The following CRK variants were observed in gnomAD, a reference collection of about 807,000 sequenced individuals.
CRK encodes the protein adapter molecule crk.
In CRK, 4 loss-of-function variants were observed where a neutral mutation model predicts 29.8. The ratio of observed to expected loss-of-function variants is 0.13; its 90% confidence interval spans 0.07 to 0.31. The LOEUF (loss-of-function observed/expected upper bound fraction) is 0.31. CRK is among the 10% of genes least tolerant of loss of function. CRK has a pLI of 1.00. For synonymous variants in CRK, 153 were observed against 164.9 expected (o/e 0.93, Z 0.55); for missense variants, 274 against 396.5 (o/e 0.69, Z 2.62).
At chr17:1,444,602 G>C (rs1176242255) in intron 1 of CRK, among the ~76,000 whole-genome samples, 9 of 149,346 alleles carry the variant, frequency 6.0e-5, no homozygotes, top group East Asian at 2.0e-4. Context: ...AAGCGGGGGG[G>C]GGGATCACCT....
intron 1 of CRK, among the ~76,000 whole-genome samples, chr17:1,447,855 G>C (rs994682611): frequency 6.6e-6 from 1 of 151,794 alleles, no homozygotes; most frequent in African/African-American, 2.4e-5. Context: ...GACCTCAAGT[G>C]ATCAGCCAGC....
intron 2 of CRK, among the ~76,000 whole-genome samples, chr17:1,430,416 G>C (rs62089611): frequency 0.51 from 76,530 of 150,088 alleles, 20,757 homozygotes; most frequent in Non-Finnish European, 0.61. Context: ...GAGTGCAGTG[G>C]CGCGATCTTG....
intron 1 of CRK, among the ~76,000 whole-genome samples, chr17:1,454,414 C>T (rs1213367528): frequency 6.6e-6 from 1 of 152,094 alleles, no homozygotes; most frequent in Non-Finnish European, 1.5e-5. Flanking sequence ...GTGGCGGGTG[C>T]CTGTAATCCC....
In CRK at chr17:1,422,783, T is replaced by C; in HGVS notation, c.*730A>G. ...GGAGACTGGCTGTCCACTTAGTGAA[T>C]CCAACACTGGCTTAAAGCTATGCAC... On this transcript the variant is annotated 3_prime_UTR_variant, in exon 3 of 3. Coordinates refer to ENST00000300574, the MANE Select transcript of CRK (RefSeq NM_016823.4). The C allele has an allele frequency of 2.5e-6, 1 of 397,044 alleles. No homozygotes were observed. Among genetic ancestry groups the C allele is most frequent in the Non-Finnish European group, 4.4e-6 (1 of 225,400 alleles). The allele number at this position is 397,044 out of a possible 1,614,324, so 24.6% of individuals were successfully genotyped here.
chr17:1,453,852 G>C (rs2074036740), intron 1 of CRK, among the ~76,000 whole-genome samples: 1 of 152,044 alleles, frequency 6.6e-6, no homozygotes, highest in South Asian at 2.1e-4. Context: ...AGATTGCAGT[G>C]AGCTGAGATT....
chr17:1,429,803 T>C (rs2073820556), intron 2 of CRK, among the ~76,000 whole-genome samples: 1 of 151,864 alleles, frequency 6.6e-6, no homozygotes, highest in South Asian at 2.1e-4. Flanking sequence ...TACAGTGGAA[T>C]GTGCCTGTAG....
intron 2 of CRK, among the ~76,000 whole-genome samples, chr17:1,436,320 T>C (rs994418498): frequency 2.0e-5 from 3 of 152,310 alleles, no homozygotes; most frequent in Non-Finnish European, 4.4e-5. Context: ...GATGAGGATG[T>C]AGATGAGGAA....
Position 1,423,599 on chromosome 17 carries a change from C to CT in CRK, c.828dup (p.Gly277ArgfsTer4). The CT allele has an allele frequency of 6.2e-7, 1 of 1,614,202 alleles. No homozygotes were observed. Among genetic ancestry groups the CT allele is most frequent in the Non-Finnish European group, 8.5e-7 (1 of 1,180,036 alleles). On this transcript the variant is annotated frameshift_variant, in exon 3 of 3. Coordinates refer to ENST00000300574, the MANE Select transcript of CRK (RefSeq NM_016823.4). LOFTEE classifies it high-confidence loss of function. ...TGACCTCGTTTGCCATTACACTCCCCTTCCCACTGACCACTCACATTAATC... is the reference window on the plus strand; with the variant it reads ...TGACCTCGTTTGCCATTACACTCCCCTTTCCCACTGACCACTCACATTAATC...
chr17:1,452,400 TTC>T (rs945097984), intron 1 of CRK, among the ~76,000 whole-genome samples: 2 of 152,150 alleles, frequency 1.3e-5, no homozygotes, highest in African/African-American at 4.8e-5. Context: ...TTCAAGAAAT[TTC>T]TCTGTGTGAC....
chr17:1,434,320 T>C (rs1219243804), intron 2 of CRK, among the ~76,000 whole-genome samples: 1 of 152,116 alleles, frequency 6.6e-6, no homozygotes, highest in Non-Finnish European at 1.5e-5. Context: ...ACAGTCCACA[T>C]GAACAGAAAA....
At chr17:1,454,472 C>T (rs752335379) in intron 1 of CRK, among the ~76,000 whole-genome samples, 17 of 152,154 alleles carry the variant, frequency 1.1e-4, no homozygotes, top group Non-Finnish European at 2.2e-4. Flanking sequence ...GCCGAGATTG[C>T]GCCACTGTGC....
chr17:1,454,863 C>T (rs1452293154), intron 1 of CRK, among the ~76,000 whole-genome samples: 2 of 152,182 alleles, frequency 1.3e-5, no homozygotes, highest in Non-Finnish European at 2.9e-5. Context: ...TCAACTCCAA[C>T]GGCATCGGTA....
chr17:1,425,780 AG>A (rs2073773367), intron 2 of CRK, among the ~76,000 whole-genome samples: 1 of 152,222 alleles, frequency 6.6e-6, no homozygotes, highest in Admixed American at 6.5e-5. Context: ...TGTTTCCTGA[AG>A]AACTCTCTAA....
intron 1 of CRK, among the ~76,000 whole-genome samples, chr17:1,438,996 G>A (rs1475915607): frequency 6.6e-6 from 1 of 152,024 alleles, no homozygotes; most frequent in South Asian, 2.1e-4. Context: ...ACCACGCCCG[G>A]CTAATTTTTG....
intron 1 of CRK, among the ~76,000 whole-genome samples, chr17:1,443,430 C>T (rs535417996): frequency 6.6e-6 from 1 of 152,244 alleles, no homozygotes; most frequent in South Asian, 2.1e-4. Context: ...CAGAGTCTCA[C>T]TGTTGCCCAG....
chr17:1,450,328 G>T (rs147161393), intron 1 of CRK, among the ~76,000 whole-genome samples: 1,569 of 152,160 alleles, frequency 0.01, 26 homozygotes, highest in African/African-American at 0.028. Flanking sequence ...CTAACACGGT[G>T]AAACACCTCT....
chr17:1,444,731 G>A (rs1395554858), intron 1 of CRK, among the ~76,000 whole-genome samples: 2 of 152,012 alleles, frequency 1.3e-5, no homozygotes, highest in African/African-American at 4.8e-5. Flanking sequence ...TACTTGGGAG[G>A]CTGAGGCAGG....
intron 2 of CRK, among the ~76,000 whole-genome samples, chr17:1,431,204 G>A (rs2073842131): frequency 6.6e-6 from 1 of 152,180 alleles, no homozygotes; most frequent in African/African-American, 2.4e-5. Context: ...AGGTCTTCCT[G>A]TGGTGCCACA....
Position 1,436,818 on chromosome 17 carries a change from G to C in CRK, c.579C>G (p.Ala193=), listed in dbSNP as rs775416145. Residue 193 remains alanine (A), a synonymous_variant, in exon 2 of 3, where the codon GCC becomes GCG. Transcript: ENST00000300574. ...PVPYVEKYRP[A]SASVSALIGG... ...CAATCAGAGCCGATACTGAGGCGGA[G>C]GCAGGTCTATACTTCTCGACGTAAG... The C allele has an allele frequency of 6.3e-7, 1 of 1,585,066 alleles. No homozygotes were observed. Among genetic ancestry groups the C allele is most frequent in the Non-Finnish European group, 8.6e-7 (1 of 1,166,142 alleles).
Sources: gnomAD v4.1 joint callset for allele counts (sites outside exome capture counted in the v4.1 genomes callset) on GRCh38, gnomAD v4.1.1 for gene constraint, MANE v1.5 for transcripts, NCBI Gene and HGNC (gene_info 2026-07-23, HGNC 2026-07-21) for gene names.